Variants in CUBN observed in about 807,000 individuals in gnomAD.
CUBN encodes the protein 460 kDa receptor.
Under a neutral mutation model 405.3 loss-of-function variants are expected in CUBN, and 282 were observed. The observed-to-expected ratio is 0.70, with a 90% CI of 0.63 to 0.77. The LOEUF is 0.77. Ranked by LOEUF, CUBN falls within the 30% of genes least tolerant of loss-of-function variation. The pLI, the probability that CUBN is intolerant of heterozygous loss-of-function variation, is 0.00. For missense variants in CUBN, 4,514 were observed against 4,475.2 expected (o/e 1.01, Z -0.25); for synonymous variants, 1,684 against 1,617.0 (o/e 1.04, Z -0.99).
At position 16,948,870 on chromosome 10, in the gene CUBN, A is replaced by G. The variant is rs11818224; in HGVS notation, c.5081-264T>C. Among the ~76,000 whole-genome samples, 18,773 of 152,158 alleles carry G rather than the reference A, an allele frequency of 0.12. 2,544 individuals are homozygous for G. Among genetic ancestry groups the G allele is most frequent in the African/African-American group, 0.32 (13,174 of 41,454 alleles). On this transcript the variant is annotated intron_variant, in intron 34 of 66. Transcript: ENST00000377833. ...ACCAGAGGAAAAACTTAGATGACCAAGGGACACATGTACCTAAAGCAAAAA... is the reference window on the plus strand; with the variant it reads ...ACCAGAGGAAAAACTTAGATGACCAGGGGACACATGTACCTAAAGCAAAAA...
intron 43 of CUBN, among the ~76,000 whole-genome samples, chr10:16,924,676 C>A (rs1193580511): frequency 5.9e-5 from 9 of 151,718 alleles, no homozygotes; most frequent in African/African-American, 2.2e-4. Context: ...TTCAATTAAA[C>A]ATTACTAAAA....
intron 56 of CUBN, among the ~76,000 whole-genome samples, chr10:16,883,650 C>T (rs147627545): frequency 0.012 from 1,874 of 152,214 alleles, 126 homozygotes; most frequent in Admixed American, 0.11. Context: ...TTTAAGCTTT[C>T]TATTAGATAT....
chr10:16,910,932 AC>A (rs1165949021), intron 48 of CUBN, among the ~76,000 whole-genome samples: 1 of 152,186 alleles, frequency 6.6e-6, no homozygotes, highest in Non-Finnish European at 1.5e-5. Context: ...GAGGAAATTA[AC>A]CAAGAAAGGG....
intron 28 of CUBN, among the ~76,000 whole-genome samples, chr10:17,009,043 T>C (rs953200391): frequency 1.3e-5 from 2 of 152,188 alleles, no homozygotes; most frequent in Non-Finnish European, 2.9e-5. Context: ...TCAGGTTATC[T>C]CAAACTAAAG....
At chr10:17,055,063 C>A (rs1012158119) in intron 22 of CUBN, among the ~76,000 whole-genome samples, 2 of 151,886 alleles carry the variant, frequency 1.3e-5, no homozygotes, top group Middle Eastern at 3.2e-3. Flanking sequence ...TCTGAATACA[C>A]GTAAAAGTTA....
At chr10:16,844,204 G>T (rs1167851023) in intron 60 of CUBN, among the ~76,000 whole-genome samples, 1 of 151,496 alleles carries the variant, frequency 6.6e-6, no homozygotes, top group South Asian at 2.1e-4. Context: ...GGGAGGCAGA[G>T]GTTGCAGTGA....
At chr10:16,873,107 T>G (rs1028150385) in intron 58 of CUBN, among the ~76,000 whole-genome samples, 3 of 150,310 alleles carry the variant, frequency 2.0e-5, no homozygotes, top group Non-Finnish European at 3.0e-5. Flanking sequence ...AGAGGGGAGG[T>G]AGGTAGGTAG....
chr10:17,081,602 A>C (rs1835970479), intron 17 of CUBN, among the ~76,000 whole-genome samples: 1 of 152,206 alleles, frequency 6.6e-6, no homozygotes, highest in Non-Finnish European at 1.5e-5. Flanking sequence ...TTCCTGTATC[A>C]CTTTCTTGTA....
intron 54 of CUBN, among the ~76,000 whole-genome samples, chr10:16,897,416 CG>C (rs1841215635): frequency 6.6e-6 from 1 of 152,128 alleles, no homozygotes; most frequent in South Asian, 2.1e-4. Context: ...TTGGTGCTAC[CG>C]GGGCTCTCAC....
At chr10:16,874,206 G>T (rs1393275056) in intron 58 of CUBN, among the ~76,000 whole-genome samples, 168 bp downstream of exon 58, 1 of 152,096 alleles carries the variant, frequency 6.6e-6, no homozygotes, top group Non-Finnish European at 1.5e-5. Context: ...TGTGGAGAGG[G>T]GGAGCGTCAT....
rs553282860 is a variant in CUBN at position 16,868,314 on chromosome 10, T to A, written c.9454+1322A>T. Among the ~76,000 whole-genome samples the A allele has an allele frequency of 7.9e-4, 120 of 152,282 alleles. 1 individual carries two copies. Among genetic ancestry groups the A allele is most frequent in the African/African-American group, 2.7e-3 (114 of 41,560 alleles). ...CAAGTACTGCATGGAAAAATTCACA[T>A]GCCCAATATCAAGAAGTTGAAGGTA... On this transcript the variant is annotated intron_variant, in intron 59 of 66. Transcript: ENST00000377833.
At chr10:16,901,925 A>G (rs1280803577) in intron 51 of CUBN, among the ~76,000 whole-genome samples, 1 of 133,312 alleles carries the variant, frequency 7.5e-6, no homozygotes, top group Admixed American at 7.7e-5. Flanking sequence ...ATATACACAC[A>G]CACACACACA....
intron 59 of CUBN, among the ~76,000 whole-genome samples, chr10:16,856,413 A>G (rs2131346637): frequency 6.6e-6 from 1 of 152,352 alleles, no homozygotes; most frequent in Non-Finnish European, 1.5e-5. Flanking sequence ...GGCTAAAGAA[A>G]TATTGGAAAT....
At chr10:16,866,824 G>A (rs1840199482) in intron 59 of CUBN, among the ~76,000 whole-genome samples, 1 of 152,092 alleles carries the variant, frequency 6.6e-6, no homozygotes, top group African/African-American at 2.4e-5. Context: ...CCATGCATAT[G>A]GGCCTCCAGC....
chr10:17,074,141 T>C (rs972811130), intron 17 of CUBN, among the ~76,000 whole-genome samples: 2 of 152,210 alleles, frequency 1.3e-5, no homozygotes, highest in Admixed American at 1.3e-4. Context: ...CCAGGAACTG[T>C]GCAGGTGACA....
At chr10:16,839,386 C>G (rs1364291451) in intron 62 of CUBN, among the ~76,000 whole-genome samples, 1 of 152,036 alleles carries the variant, frequency 6.6e-6, no homozygotes, top group Non-Finnish European at 1.5e-5. Flanking sequence ...ACAAACCACT[C>G]CATCAAAAAG....
intron 14 of CUBN, 52 bp from the exon 15 acceptor site, chr10:17,088,397 T>A (rs550363606): frequency 6.7e-7 from 1 of 1,489,048 alleles, no homozygotes; most frequent in African/African-American, 1.4e-5. Context: ...CTATAATTTA[T>A]GGAGAATGAT....
intron 10 of CUBN, among the ~76,000 whole-genome samples, chr10:17,107,416 G>A (rs913100776): frequency 2.4e-4 from 36 of 151,804 alleles, no homozygotes; most frequent in Middle Eastern, 3.4e-3. Context: ...GAAAAACCCT[G>A]CTGAATAATT....
At chr10:16,875,742 G>A (rs1396277620) in intron 57 of CUBN, among the ~76,000 whole-genome samples, 1 of 152,138 alleles carries the variant, frequency 6.6e-6, no homozygotes, top group Admixed American at 6.5e-5. Context: ...TCACATCAAC[G>A]ACACTCTTTA....
Sources: gnomAD v4.1 joint callset for allele counts (sites outside exome capture counted in the v4.1 genomes callset) on GRCh38, gnomAD v4.1.1 for gene constraint, MANE v1.5 for transcripts, NCBI Gene and HGNC (gene_info 2026-07-23, HGNC 2026-07-21) for gene names.